Variants in CEP131 observed in about 807,000 individuals in gnomAD.
CEP131 encodes centrosomal protein 131, also known as centrosomal protein of 131 kDa.
A neutral mutation model predicts 136.8 loss-of-function variants in CEP131; 99 were observed. That is an observed-to-expected ratio of 0.72 (90% CI 0.62 to 0.86). The LOEUF (loss-of-function observed/expected upper bound fraction) is 0.86. CEP131 is among the 40% of genes least tolerant of loss of function. The pLI, the probability that CEP131 is intolerant of heterozygous loss-of-function variation, is 0.00. For synonymous variants in CEP131, 646 were observed against 612.7 expected (o/e 1.05, Z -0.80); for missense variants, 1,459 against 1,463.0 (o/e 1.00, Z 0.04).
Position 81,219,977 on chromosome 17 carries a change from G to A in CEP131, c.80C>T (p.Pro27Leu), listed in dbSNP as rs148251067. The A allele has an allele frequency of 8.7e-6, 14 of 1,611,898 alleles. No individual in the cohort carries two copies. The highest frequency in any genetic ancestry group is 6.7e-5 in the East Asian group (3 of 44,692). The change falls in exon 2 of 26, where the codon CCG becomes CTG. Residue 27 changes from proline to leucine, a missense_variant. Physicochemically the swap from Pro to Leu is moderately conservative, Grantham distance 98 (BLOSUM62 -3). This residue lies in a region of CEP131 where 187 missense variants were observed against 179.9 expected (regional missense o/e 1.04). Transcript: ENST00000450824. The surrounding 1 kb of genome is among the most constrained non-coding windows in gnomAD (Gnocchi z 4.0). The stretch of plus-strand genomic sequence containing the variant: ...ACTGCCAGGACGCCGGGACACAGGC[G>A]GAGGGAGACCTGTCAGACTCAGGTC... ...GVDLSLTGLP[P>L]PVSRRPGSAA...
intron 6 of CEP131, 73 bp from the exon 7 acceptor site, chr17:81,202,471 C>A: frequency 6.5e-7 from 1 of 1,536,024 alleles, no homozygotes; most frequent in Non-Finnish European, 8.8e-7. Flanking sequence ...AGCAGGTGCC[C>A]ACTCCCGGAA....
At position 81,189,830 on chromosome 17, in the gene CEP131, C is replaced by G. The variant is rs563448103; in HGVS notation, c.3182G>C (p.Arg1061Pro). The change falls in exon 26 of 26, where the codon CGG becomes CCG. Residue 1061 changes from arginine (R) to proline (P), a missense_variant. Coordinates refer to ENST00000450824, the MANE Select transcript of CEP131 (RefSeq NM_014984.4). Reference protein sequence around the residue: ...LRTQHEAAVKRADHLEELLEQ... With the variant: ...LRTQHEAAVKPADHLEELLEQ... ...CAGCAGCTCCTCCAGGTGGTCGGCC[C>G]GCTTCACCGCAGCCTGCAGCACACC... The G allele has an allele frequency of 6.2e-6, 10 of 1,611,944 alleles. No homozygotes were observed. Among genetic ancestry groups the G allele is most frequent in the Non-Finnish European group, 8.5e-6 (10 of 1,179,536 alleles).
rs752449050 is a variant in CEP131 at position 81,192,497 on chromosome 17, C to T, written c.2526G>A (p.Glu842=). The T allele has an allele frequency of 3.1e-6, 5 of 1,611,728 alleles. No homozygotes were observed. The South Asian group carries it at 4.4e-5, about 14-fold the overall frequency. The change falls in exon 20 of 26, where the codon GAG becomes GAA. Residue 842 remains glutamate, a synonymous_variant. Transcript: ENST00000450824. ...ALRAEFEKGR[E]EQERRHQMEL... The stretch of plus-strand genomic sequence containing the variant: ...AGACCTGGTGCCGGCGCTCCTGCTC[C>T]TCCCTGCCCTTCTCAAACTCAGCCC...
At position 81,203,300 on chromosome 17, in the gene CEP131, C is replaced by T. The variant is rs1334314645; in HGVS notation, c.629+194G>A. Among the ~76,000 whole-genome samples, 1 of 152,226 alleles carries T rather than the reference C, an allele frequency of 6.6e-6. No individual in the cohort carries two copies. Among genetic ancestry groups the T allele is most frequent in the Non-Finnish European group, 1.5e-5 (1 of 68,036 alleles). ...GAGCCCGGTTCACAGCTGCTCCACG[C>T]GGTTTTACGTGCACTGACCACGTGC... On this transcript the variant is annotated intron_variant, in intron 6 of 25. Coordinates refer to ENST00000450824, the MANE Select transcript of CEP131 (RefSeq NM_014984.4). The surrounding 1 kb of genome is among the most constrained non-coding windows in gnomAD (Gnocchi z 4.6).
chr17:81,214,907 C>T (rs1045519997), intron 2 of CEP131, among the ~76,000 whole-genome samples: 12 of 151,674 alleles, frequency 7.9e-5, no homozygotes, highest in African/African-American at 2.9e-4. Context: ...CGAGTAGCCG[C>T]GACTACAGGT....
Position 81,198,897 on chromosome 17 carries a change from G to C in CEP131, c.1267C>G (p.Pro423Ala), listed in dbSNP as rs2061826712. The C allele has an allele frequency of 1.3e-6, 2 of 1,590,416 alleles. No individual in the cohort carries two copies. Among genetic ancestry groups the C allele is most frequent in the East Asian group, 4.5e-5 (2 of 43,976 alleles). The stretch of plus-strand genomic sequence containing the variant: ...CAGACCTGCGTCCTGTCCTCTGGAG[G>C]CTGCTGTGGTTCTGGGGATGAGTCG... ...TSDSSPEPQQ[P>A]PEDRTQDVLA... Residue 423 changes from proline to alanine, a missense_variant, in exon 11 of 26, where the codon CCT (proline) becomes GCT (alanine). Transcript: ENST00000450824.
At position 81,219,221 on chromosome 17, in the gene CEP131, C is replaced by A. The variant is rs1280107310; in HGVS notation, c.177+659G>T. ...CACGGCTGTCCTGCTGCCCACACACCCACACACCCGTCTAGGTTTCTCCAA... is the reference window on the plus strand; with the variant it reads ...CACGGCTGTCCTGCTGCCCACACACACACACACCCGTCTAGGTTTCTCCAA... On this transcript the variant is annotated intron_variant, in intron 2 of 25. Coordinates refer to ENST00000450824, the MANE Select transcript of CEP131 (RefSeq NM_014984.4). The surrounding 1 kb of genome is among the most constrained non-coding windows in gnomAD (Gnocchi z 4.0). Among the ~76,000 whole-genome samples the A allele has an allele frequency of 2.6e-5, 4 of 152,174 alleles. No homozygotes were observed. The highest frequency in any genetic ancestry group is 7.2e-5 in the African/African-American group (3 of 41,434).
At position 81,196,673 on chromosome 17, in the gene CEP131, G is replaced by C. The variant is rs776033705; in HGVS notation, c.1899+28C>G. The C allele has an allele frequency of 6.9e-6, 11 of 1,592,542 alleles. No individual in the cohort carries two copies. In the South Asian group the frequency reaches 1.2e-4, roughly 18 times the overall value. On this transcript the variant is annotated intron_variant, in intron 15 of 25. Coordinates refer to ENST00000450824, the MANE Select transcript of CEP131 (RefSeq NM_014984.4). ...TCTCCATGAGCCACGCGCTGGGTCCGGGCCTCTGCGCTCCCCGGGCCGCTC... is the reference window on the plus strand; with the variant it reads ...TCTCCATGAGCCACGCGCTGGGTCCCGGCCTCTGCGCTCCCCGGGCCGCTC...
intron 4 of CEP131, 118 bp from the exon 5 acceptor site, chr17:81,206,989 T>TG: frequency 2.0e-6 from 3 of 1,528,630 alleles, no homozygotes; most frequent in Non-Finnish European, 1.8e-6. Context: ...GTGGATGTCC[T>TG]GGGGTCTGCC....
In CEP131 at chr17:81,198,137, C is replaced by G; in HGVS notation, c.1448G>C (p.Gly483Ala). The G allele has an allele frequency of 6.4e-7, 1 of 1,572,130 alleles. No homozygotes were observed. The highest frequency in any genetic ancestry group is 8.6e-7 in the Non-Finnish European group (1 of 1,159,346). The change falls in exon 12 of 26, where the codon GGC (glycine) becomes GCC (alanine). Residue 483 changes from glycine (G) to alanine (A), a missense_variant. Transcript: ENST00000450824. ...VLPRPRTHHR[G>A]RYAWASEEDD... ...CACCTCGCTGGCCCAGGCGTATCTG[C>G]CCCTGTGATGGGTCCTGGGGCGGGG...
chr17:81,202,801 A>C (rs2146600348), intron 6 of CEP131, among the ~76,000 whole-genome samples: 1 of 152,202 alleles, frequency 6.6e-6, no homozygotes, highest in East Asian at 1.9e-4. Context: ...ATTTCTACTA[A>C]AAACACAAAA....
chr17:81,204,754 G>A (rs1252636798), intron 5 of CEP131, among the ~76,000 whole-genome samples: 1 of 151,462 alleles, frequency 6.6e-6, no homozygotes, highest in Non-Finnish European at 1.5e-5. Flanking sequence ...ACCTGCACCG[G>A]ACCACACCTG....
chr17:81,211,659 G>A (rs1379522154), intron 2 of CEP131, among the ~76,000 whole-genome samples: 2 of 152,214 alleles, frequency 1.3e-5, no homozygotes, highest in Non-Finnish European at 2.9e-5. Context: ...GTGGCCAGGC[G>A]TGGTGGCTCA....
At position 81,203,945 on chromosome 17, in the gene CEP131, C is replaced by T. The variant is rs2061949606; in HGVS notation, c.516-338G>A. ...AGACTCACAGAAGCGAAGCCCCATC[C>T]CACACGACGGATGGAAGCCACATTC... On this transcript the variant is annotated intron_variant, in intron 5 of 25. Coordinates refer to ENST00000450824, the MANE Select transcript of CEP131 (RefSeq NM_014984.4). The surrounding 1 kb of genome is among the most constrained non-coding windows in gnomAD (Gnocchi z 4.6). 1 of 255,994 alleles carries T rather than the reference C, an allele frequency of 3.9e-6. No individual in the cohort carries two copies. Among genetic ancestry groups the T allele is most frequent in the Non-Finnish European group, 7.6e-6 (1 of 131,786 alleles). 15.9% of individuals were successfully genotyped at this position (255,994 alleles called of 1,614,324 possible). A position where few individuals can be genotyped will look rare whatever the true frequency, so the allele number is the denominator to read the frequency against.
chr17:81,206,728 C>T lies in CEP131; in HGVS notation c.515+16G>A. On this transcript the variant is annotated intron_variant, in intron 5 of 25. Transcript: ENST00000450824. ...TTCCCACTGGTGCCCGTCGTGGGCA[C>T]CTGCACAGGTCGTACCTGTTGTTAG... 3.1e-6 allele frequency: 5 copies of T among 1,606,196 alleles called. No individual in the cohort carries two copies. Among genetic ancestry groups the T allele is most frequent in the African/African-American group, 1.3e-5 (1 of 74,750 alleles).
Position 81,189,983 on chromosome 17 carries a change from T to A in CEP131, c.3108-8A>T, listed in dbSNP as rs780197650. On this transcript the variant is annotated splice_region_variant and splice_polypyrimidine_tract_variant and intron_variant, in intron 24 of 25. Transcript: ENST00000450824. ...GCGAGGGCTGTCTTCACCCTGTGGG[T>A]AGTACATGGTAGGCTTCAGTGTGGC... is the stretch of plus-strand genomic sequence containing the variant. 1 of 1,599,844 alleles carries A rather than the reference T, an allele frequency of 6.3e-7. No individual in the cohort carries two copies. Among genetic ancestry groups the A allele is most frequent in the South Asian group, 1.1e-5 (1 of 90,116 alleles).
chr17:81,197,190 G>C, intron 13 of CEP131, 135 bp from the exon 14 acceptor site: 2 of 1,332,754 alleles, frequency 1.5e-6, no homozygotes, highest in Non-Finnish European at 2.0e-6. Context: ...GGAAGCCGGA[G>C]GGCAGGTGGC....
chr17:81,218,171 T>C (rs749815242), intron 2 of CEP131, among the ~76,000 whole-genome samples: 11 of 152,110 alleles, frequency 7.2e-5, no homozygotes, highest in Non-Finnish European at 1.0e-4. Flanking sequence ...GCCTCCTGAG[T>C]AGCTGGGATT....
At position 81,197,807 on chromosome 17, in the gene CEP131, C is replaced by T; in HGVS notation, c.1552G>A (p.Gly518Arg). ...LSAFPEPPEDGTLLSEAKLQS... is the reference protein window; with the variant it reads ...LSAFPEPPEDRTLLSEAKLQS... ...AGCTTGGCCTCCGATAGCAGCGTCCCATCCTCAGGAGGTTCGGGGAACGCA... is the reference window on the plus strand; with the variant it reads ...AGCTTGGCCTCCGATAGCAGCGTCCTATCCTCAGGAGGTTCGGGGAACGCA... Residue 518 changes from glycine (G) to arginine (R), a missense_variant, in exon 13 of 26, where the codon GGG becomes AGG. Coordinates refer to ENST00000450824, the MANE Select transcript of CEP131 (RefSeq NM_014984.4). The T allele has an allele frequency of 6.2e-7, 1 of 1,613,346 alleles. No individual in the cohort carries two copies.
Sources: allele counts gnomAD v4.1 joint callset (sites outside exome capture counted in the v4.1 genomes callset), GRCh38; gene constraint gnomAD v4.1.1; regional missense constraint gnomAD v4.1.1; non-coding constraint Gnocchi (gnomAD v3.1); transcripts MANE v1.5; gene names NCBI Gene and HGNC (gene_info 2026-07-23, HGNC 2026-07-21).